Variants in RGS5 observed in about 807,000 individuals in gnomAD.
RGS5 encodes the protein regulator of G protein signaling 5.
A neutral mutation model predicts 18.9 loss-of-function variants in RGS5; 20 were observed. The ratio of observed to expected loss-of-function variants is 1.06; its 90% CI spans 0.74 to 1.54. The LOEUF (loss-of-function observed/expected upper bound fraction) is 1.54, where lower values mean the gene tolerates loss of function less well. Among genes scored for constraint, RGS5 ranks in the 40% most tolerant of loss-of-function variants. The probability of loss-of-function intolerance (pLI) is 0.00; values close to 1 mark genes in which losing one functional copy is unlikely to be tolerated. For missense variants in RGS5, 201 were observed against 211.8 expected (o/e 0.95, Z 0.32); for synonymous variants, 57 against 76.2 (o/e 0.75, Z 1.31).
chr1:163,168,120 AAACC>A, intron 2 of RGS5, 134 bp downstream of exon 2: 1 of 599,644 alleles, frequency 1.7e-6, no homozygotes, highest in Non-Finnish European at 2.9e-6. Flanking sequence ...GCTTCTTTGC[AAACC>A]AACTCTCTGA....
intron 2 of RGS5, among the ~76,000 whole-genome samples, chr1:163,284,832 G>A (rs1450808157): frequency 6.8e-6 from 1 of 147,150 alleles, no homozygotes; most frequent in East Asian, 2.1e-4. Context: ...TTTCTTTCAA[G>A]TTCAAGTTAT....
upstream of RGS5, chr1:163,202,965 C>T (rs1659838992): frequency 5.0e-6 from 4 of 807,394 alleles, no homozygotes; most frequent in Admixed American, 9.6e-5. Context: ...TCCCAGCCCT[C>T]TGTTGCTCTT....
chr1:163,281,107 G>A (rs1171497215), intron 2 of RGS5, among the ~76,000 whole-genome samples: 1 of 152,058 alleles, frequency 6.6e-6, no homozygotes, highest in Non-Finnish European at 1.5e-5. Context: ...GAGTTTCTCT[G>A]CACAAGTCCT....
rs148161278 is a variant in RGS5 at position 163,178,742 on chromosome 1, T to G, written c.45-10374A>C. 1.1e-4 allele frequency among the ~76,000 whole-genome samples: 17 copies of G among 152,228 alleles called. No individual in the cohort carries two copies. In the East Asian group the frequency reaches 3.1e-3, roughly 28 times the overall value. ...ACACACACACAAAGATTGCTTAAAC[T>G]TAAACAGGAAGTGTTCAGGAGAACT... On this transcript the variant is annotated intron_variant, in intron 1 of 4. Transcript: ENST00000313961.
intron 1 of RGS5, among the ~76,000 whole-genome samples, chr1:163,186,927 C>T (rs751692241): frequency 9.2e-5 from 14 of 151,450 alleles, no homozygotes; most frequent in Non-Finnish European, 2.1e-4. Context: ...ACTTTTATTA[C>T]ATGCCTCTGT....
chr1:163,181,099 T>G (rs1658824659), intron 1 of RGS5, among the ~76,000 whole-genome samples: 1 of 152,204 alleles, frequency 6.6e-6, no homozygotes, highest in Non-Finnish European at 1.5e-5. Context: ...CCTCTGGCTT[T>G]TCTTCATTCA....
intron 3 of RGS5, among the ~76,000 whole-genome samples, chr1:163,159,997 C>T (rs989225663): frequency 4.6e-5 from 7 of 152,116 alleles, no homozygotes; most frequent in Non-Finnish European, 8.8e-5. Context: ...AATCTCAACA[C>T]GATGGTAATC....
intron 2 of RGS5, among the ~76,000 whole-genome samples, chr1:163,296,972 G>A (rs1295516796): frequency 6.6e-6 from 1 of 152,134 alleles, no homozygotes; most frequent in East Asian, 1.9e-4. Flanking sequence ...CCTGCATCAG[G>A]AAGAAAAGGA....
chr1:163,155,412 T>C (rs1657541529), intron 3 of RGS5, among the ~76,000 whole-genome samples: 2 of 152,198 alleles, frequency 1.3e-5, no homozygotes, highest in Admixed American at 6.5e-5. Context: ...ACAATATTCT[T>C]TTAACCTTTT....
intron 1 of RGS5, among the ~76,000 whole-genome samples, chr1:163,186,693 G>A (rs955423964): frequency 6.6e-6 from 1 of 151,734 alleles, no homozygotes; most frequent in Non-Finnish European, 1.5e-5. Flanking sequence ...AAATGAAGAT[G>A]AAATGTAAAT....
intron 2 of RGS5, among the ~76,000 whole-genome samples, chr1:163,289,331 A>T (rs1468994240): frequency 6.6e-6 from 1 of 151,864 alleles, no homozygotes; most frequent in African/African-American, 2.4e-5. Flanking sequence ...TGTCCAACTC[A>T]TGTGCCACCT....
chr1:163,216,999 C>T (rs576412979), intron 1 of RGS5, among the ~76,000 whole-genome samples: 5 of 152,116 alleles, frequency 3.3e-5, no homozygotes, highest in Admixed American at 6.5e-5. Context: ...AACCAAATAC[C>T]GCATGGTCTC....
intron 2 of RGS5, among the ~76,000 whole-genome samples, chr1:163,254,391 C>T (rs956072633): frequency 2.0e-5 from 3 of 152,184 alleles, no homozygotes; most frequent in African/African-American, 7.2e-5. Flanking sequence ...TTGCATTTCT[C>T]TGATGGCCAG....
rs573297835 is a variant in RGS5, at chr1:163,318,410, G to A, written c.-378+3212C>T. Among the ~76,000 whole-genome samples, 11 of 151,974 alleles carry A rather than the reference G, an allele frequency of 7.2e-5. No individual in the cohort carries two copies. The South Asian group carries it at 2.3e-3, about 32-fold the overall frequency. ...TTACAAGATGGATTTGGCGGTGTAG[G>A]TGGGGGTGGTAGTAGTTATGGCTGA... On this transcript the variant is annotated intron_variant, in intron 1 of 5. Transcript: ENST00000618415.
chr1:163,252,053 T>G (rs1648118989), intron 2 of RGS5, among the ~76,000 whole-genome samples: 1 of 152,172 alleles, frequency 6.6e-6, no homozygotes, highest in Non-Finnish European at 1.5e-5. Flanking sequence ...ATCTTAAATA[T>G]ATATTTAGTT....
chr1:163,207,578 T>G (rs544745945), upstream of RGS5, among the ~76,000 whole-genome samples: 1 of 152,354 alleles, frequency 6.6e-6, no homozygotes, highest in South Asian at 2.1e-4. Context: ...GAATTTGAGC[T>G]TCTATTCATA....
chr1:163,292,001 AT>A (rs914656738), intron 2 of RGS5, among the ~76,000 whole-genome samples: 12 of 150,520 alleles, frequency 8.0e-5, no homozygotes, highest in African/African-American at 2.4e-4. Flanking sequence ...AATAGAAATG[AT>A]TTTTTTTTTA....
In RGS5 at chr1:163,257,764, T is replaced by C. The variant is rs183721302; in HGVS notation, c.-281+48469A>G. ...TGGGTCTAAACTTCTAATCCAGTTCTTTTTTCTTTTTTCCATTCTGTCTCC... is the reference window on the plus strand; with the variant it reads ...TGGGTCTAAACTTCTAATCCAGTTCCTTTTTCTTTTTTCCATTCTGTCTCC... On this transcript the variant is annotated intron_variant, in intron 2 of 5. Transcript: ENST00000618415. Among the ~76,000 whole-genome samples the C allele has an allele frequency of 3.3e-5, 5 of 152,308 alleles. No homozygotes were observed. The East Asian group carries it at 7.7e-4, about 24-fold the overall frequency.
intron 4 of RGS5, 136 bp downstream of exon 4, chr1:163,152,414 T>G: frequency 1.2e-6 from 1 of 842,774 alleles, no homozygotes; most frequent in East Asian, 2.5e-5. Context: ...TTGTACTCAA[T>G]AGGTGCTTAA....
Sources: allele counts gnomAD v4.1 joint callset (sites outside exome capture counted in the v4.1 genomes callset), GRCh38; gene constraint gnomAD v4.1.1; transcripts MANE v1.5; gene names NCBI Gene and HGNC (gene_info 2026-07-23, HGNC 2026-07-21).